The following CTNND2 variants were observed in gnomAD, a reference collection of about 807,000 sequenced individuals.
The protein encoded by CTNND2 is catenin delta-2.
CTNND2 carries 22 observed loss-of-function variants against 144.4 expected under a neutral mutation model. The observed-to-expected ratio is 0.15, with a 90% confidence interval of 0.11 to 0.22. CTNND2 has a LOEUF of 0.22. CTNND2 is among the 10% of genes least tolerant of loss of function. CTNND2 has a pLI of 1.00. For missense variants in CTNND2, 1,353 were observed against 1,618.8 expected, an observed-to-expected ratio of 0.84 and a Z score of 2.82; for synonymous variants, 751 against 695.6, an observed-to-expected ratio of 1.08 and a Z score of -1.25.
At chr5:11,014,686 A>ATT (rs1413597028) in intron 18 of CTNND2, among the ~76,000 whole-genome samples, 2 of 152,178 alleles carry the variant, frequency 1.3e-5, no homozygotes, top group African/African-American at 4.8e-5. Flanking sequence ...GAATATTCTG[A>ATT]TTTGAATCAG....
intron 3 of CTNND2, among the ~76,000 whole-genome samples, chr5:11,447,054 TAAC>T (rs1237597825): frequency 2.6e-5 from 4 of 151,460 alleles, no homozygotes; most frequent in East Asian, 1.9e-4. Context: ...CCTTCCCGGG[TAAC>T]AACAACAACA....
chr5:11,229,034 C>A (rs990205324), intron 10 of CTNND2, among the ~76,000 whole-genome samples: 1 of 152,178 alleles, frequency 6.6e-6, no homozygotes, highest in Non-Finnish European at 1.5e-5. Flanking sequence ...TATATAAGAT[C>A]TGTAAACACT....
At chr5:11,074,030 C>G in intron 16 of CTNND2, among the ~76,000 whole-genome samples, 1 of 152,192 alleles carries the variant, frequency 6.6e-6, no homozygotes, top group East Asian at 1.9e-4. Context: ...TTACATATTT[C>G]CAGTACTAAA....
At chr5:11,729,737 G>A (rs2126736792) in intron 2 of CTNND2, among the ~76,000 whole-genome samples, 1 of 152,182 alleles carries the variant, frequency 6.6e-6, no homozygotes, top group East Asian at 1.9e-4. Context: ...CATTTTAAAT[G>A]TCAATGCATA....
chr5:11,188,979 A>G (rs1735964616), intron 11 of CTNND2, among the ~76,000 whole-genome samples: 1 of 152,192 alleles, frequency 6.6e-6, no homozygotes, highest in African/African-American at 2.4e-5. Flanking sequence ...TGCTGAAATT[A>G]CAGATTTATT....
intron 2 of CTNND2, among the ~76,000 whole-genome samples, chr5:11,676,054 T>A (rs1784156523): frequency 6.6e-6 from 1 of 151,938 alleles, no homozygotes; most frequent in Non-Finnish European, 1.5e-5. Context: ...GGGAGACACC[T>A]CCCAGTAGGG....
intron 2 of CTNND2, among the ~76,000 whole-genome samples, chr5:11,622,166 T>C (rs1780877809): frequency 6.6e-6 from 1 of 152,098 alleles, no homozygotes; most frequent in Admixed American, 6.6e-5. Flanking sequence ...CAACATAAAT[T>C]TCTGGTAAAA....
chr5:11,014,440 A>G (rs1267255532), intron 18 of CTNND2, among the ~76,000 whole-genome samples: 1 of 152,150 alleles, frequency 6.6e-6, no homozygotes, highest in South Asian at 2.1e-4. Context: ...GACACAAAAC[A>G]TCTAAGTTCT....
At chr5:11,152,470 T>C (rs1028009314) in intron 12 of CTNND2, among the ~76,000 whole-genome samples, 3 of 152,186 alleles carry the variant, frequency 2.0e-5, no homozygotes, top group African/African-American at 4.8e-5. Flanking sequence ...CGTCTAGGTT[T>C]GTGTAAGTGC....
At chr5:11,818,538 A>C (rs1234377051) in intron 1 of CTNND2, among the ~76,000 whole-genome samples, 9 of 151,928 alleles carry the variant, frequency 5.9e-5, no homozygotes. Context: ...CAGCTAATTT[A>C]TGTATACTTA....
chr5:11,598,008 A>C (rs933430839), intron 2 of CTNND2, among the ~76,000 whole-genome samples: 1 of 152,202 alleles, frequency 6.6e-6, no homozygotes, highest in African/African-American at 2.4e-5. Flanking sequence ...ATGTGATAAA[A>C]ATAGCTGTAT....
intron 2 of CTNND2, among the ~76,000 whole-genome samples, chr5:11,619,667 A>C (rs1259088313): frequency 6.6e-6 from 1 of 152,220 alleles, no homozygotes; most frequent in Admixed American, 6.5e-5. Flanking sequence ...TTAGATAAAC[A>C]TTCCAAACAG....
chr5:11,406,782 A>G (rs1761133767), intron 5 of CTNND2, among the ~76,000 whole-genome samples: 1 of 152,032 alleles, frequency 6.6e-6, no homozygotes. Context: ...ATTCCTGAAT[A>G]TATTTAAAAA....
At chr5:11,254,988 T>G (rs953031433) in intron 9 of CTNND2, among the ~76,000 whole-genome samples, 1 of 152,194 alleles carries the variant, frequency 6.6e-6, no homozygotes, top group Non-Finnish European at 1.5e-5. Context: ...CTGTTGTAAT[T>G]TAAAATTTGT....
At chr5:11,367,591 T>C (rs1038395134) in intron 7 of CTNND2, among the ~76,000 whole-genome samples, 1 of 152,212 alleles carries the variant, frequency 6.6e-6, no homozygotes, top group African/African-American at 2.4e-5. Context: ...CAAAACGTCA[T>C]TCATGAGAAT....
At chr5:11,499,185 G>T (rs914651872) in intron 3 of CTNND2, among the ~76,000 whole-genome samples, 5 of 152,002 alleles carry the variant, frequency 3.3e-5, no homozygotes, top group African/African-American at 1.2e-4. Context: ...GAACTACCTG[G>T]CCAGAAAAAA....
At chr5:11,460,941 T>G (rs1335445502) in intron 3 of CTNND2, among the ~76,000 whole-genome samples, 1 of 151,720 alleles carries the variant, frequency 6.6e-6, no homozygotes, top group African/African-American at 2.4e-5. Flanking sequence ...CCCAGCTACT[T>G]GGGAGGCTGA....
At chr5:11,108,677 G>A (rs1752659830) in intron 14 of CTNND2, among the ~76,000 whole-genome samples, 1 of 152,096 alleles carries the variant, frequency 6.6e-6, no homozygotes, top group Non-Finnish European at 1.5e-5. Flanking sequence ...GGGAGGTTTT[G>A]GATTCCATCA....
intron 3 of CTNND2, among the ~76,000 whole-genome samples, chr5:11,497,232 T>C (rs1770040676): frequency 6.6e-6 from 1 of 152,084 alleles, no homozygotes. Flanking sequence ...ACTACTTTTT[T>C]TTTTTAATAC....
Sources: allele counts gnomAD v4.1 joint callset (sites outside exome capture counted in the v4.1 genomes callset), GRCh38; gene constraint gnomAD v4.1.1; transcripts MANE v1.5; gene names NCBI Gene and HGNC (gene_info 2026-07-23, HGNC 2026-07-21).